Variants in DLG2 observed in about 807,000 individuals in gnomAD.
DLG2 encodes discs large MAGUK scaffold protein 2.
A neutral mutation model predicts 132.5 loss-of-function variants in DLG2; 45 were observed. That is an observed-to-expected ratio of 0.34 (90% CI 0.27 to 0.44). The LOEUF is 0.44. DLG2 is among the 20% of genes least tolerant of loss of function. The probability of loss-of-function intolerance (pLI) is 1.00; values close to 1 mark genes in which losing one functional copy is unlikely to be tolerated. For synonymous variants in DLG2, 424 were observed against 419.6 expected, an observed-to-expected ratio of 1.01 and a Z score of -0.13; for missense variants, 1,045 against 1,196.9, an observed-to-expected ratio of 0.87 and a Z score of 1.87.
rs1436792552 is a variant in DLG2, at chr11:85,418,253, T to G, written c.41-132888A>C. The stretch of plus-strand genomic sequence containing the variant: ...TCAGTTTTCATGTAGTTGTGTGGTT[T>G]TGAGAGAGTTTCTTAATTCTGAGTT... On this transcript the variant is annotated intron_variant, in intron 3 of 27. Coordinates refer to ENST00000376104, the MANE Select transcript of DLG2 (RefSeq NM_001142699.3). Among the ~76,000 whole-genome samples the G allele has an allele frequency of 2.0e-5, 3 of 152,232 alleles. 1 individual carries two copies. The highest frequency in any genetic ancestry group is 7.2e-5 in the African/African-American group (3 of 41,458).
intron 6 of DLG2, among the ~76,000 whole-genome samples, chr11:84,557,115 G>C (rs2099413487): frequency 6.6e-6 from 1 of 152,056 alleles, no homozygotes; most frequent in African/African-American, 2.4e-5. Context: ...TGTCAACTTG[G>C]CTAAATTATA....
intron 3 of DLG2, among the ~76,000 whole-genome samples, chr11:85,312,870 T>C (rs1194724994): frequency 6.6e-6 from 1 of 152,022 alleles, no homozygotes; most frequent in Admixed American, 6.6e-5. Flanking sequence ...TAGAAAAATA[T>C]TGAGAAATGA....
intron 6 of DLG2, among the ~76,000 whole-genome samples, chr11:84,616,206 G>A (rs1169308786): frequency 6.6e-6 from 1 of 152,020 alleles, no homozygotes; most frequent in African/African-American, 2.4e-5. Flanking sequence ...GGAAGGAAGA[G>A]CTTGTGTTTC....
At chr11:85,488,616 T>C (rs2093486230) in intron 3 of DLG2, among the ~76,000 whole-genome samples, 1 of 152,114 alleles carries the variant, frequency 6.6e-6, no homozygotes. Flanking sequence ...GAGAAAGGTA[T>C]CAAGTTACCT....
At chr11:83,464,074 A>C (rs1167095350) in intron 26 of DLG2, among the ~76,000 whole-genome samples, 2 of 152,200 alleles carry the variant, frequency 1.3e-5, no homozygotes, top group Non-Finnish European at 2.9e-5. Context: ...AGCTAGATAA[A>C]CATAATTATA....
At chr11:83,949,077 C>T (rs1021808638) in intron 14 of DLG2, among the ~76,000 whole-genome samples, 1 of 152,056 alleles carries the variant, frequency 6.6e-6, no homozygotes, top group Non-Finnish European at 1.5e-5. Context: ...TGAATTTTTA[C>T]ATTTTTTCTA....
At chr11:83,741,900 A>C (rs917396206) in intron 18 of DLG2, among the ~76,000 whole-genome samples, 1 of 151,988 alleles carries the variant, frequency 6.6e-6, no homozygotes, top group Non-Finnish European at 1.5e-5. Flanking sequence ...CTGTAGTTCC[A>C]GCTACTTGGG....
intron 10 of DLG2, among the ~76,000 whole-genome samples, chr11:84,070,667 GAAC>G: frequency 6.6e-6 from 1 of 152,322 alleles, no homozygotes; most frequent in African/African-American, 2.4e-5. Context: ...GAAAAGTTGA[GAAC>G]AACAAGGAGC....
intron 8 of DLG2, among the ~76,000 whole-genome samples, chr11:84,191,649 C>T (rs971648636): frequency 1.3e-5 from 2 of 152,128 alleles, no homozygotes; most frequent in Non-Finnish European, 2.9e-5. Context: ...ATGACACTTT[C>T]TTAAAGAAAA....
intron 6 of DLG2, among the ~76,000 whole-genome samples, chr11:85,054,702 G>A (rs1353132870): frequency 6.6e-6 from 1 of 152,166 alleles, no homozygotes; most frequent in Non-Finnish European, 1.5e-5. Context: ...ACAAAATCAT[G>A]TCCTTTGCAG....
chr11:85,194,416 G>T (rs1490300303), intron 4 of DLG2, among the ~76,000 whole-genome samples: 1 of 151,860 alleles, frequency 6.6e-6, no homozygotes, highest in Non-Finnish European at 1.5e-5. Flanking sequence ...CATTGTTTTG[G>T]TCCCTCTTTG....
At chr11:84,381,357 C>T (rs1372678972) in intron 7 of DLG2, among the ~76,000 whole-genome samples, 1 of 152,038 alleles carries the variant, frequency 6.6e-6, no homozygotes, top group Non-Finnish European at 1.5e-5. Flanking sequence ...AAGAGGTACA[C>T]TCACCAGTTC....
At chr11:84,283,237 T>A (rs2097871451) in intron 7 of DLG2, among the ~76,000 whole-genome samples, 1 of 152,200 alleles carries the variant, frequency 6.6e-6, no homozygotes, top group African/African-American at 2.4e-5. Flanking sequence ...CATGAAGGTC[T>A]TATTCGTAAT....
chr11:85,274,581 T>C (rs1175812859), intron 4 of DLG2, among the ~76,000 whole-genome samples: 4 of 152,114 alleles, frequency 2.6e-5, no homozygotes, highest in Non-Finnish European at 5.9e-5. Context: ...CAGAAAATGA[T>C]ATCTCCAAAT....
At chr11:84,173,356 T>C (rs957548347) in intron 8 of DLG2, among the ~76,000 whole-genome samples, 1 of 152,172 alleles carries the variant, frequency 6.6e-6, no homozygotes, top group Non-Finnish European at 1.5e-5. Flanking sequence ...GAACAGTAAA[T>C]GGTGTTAAGA....
At chr11:84,658,281 C>CAGAA in intron 6 of DLG2, among the ~76,000 whole-genome samples, 1 of 152,212 alleles carries the variant, frequency 6.6e-6, no homozygotes. Context: ...CAACCTTGAT[C>CAGAA]AGAATCCTTC....
At chr11:84,737,181 G>T (rs374086362) in intron 6 of DLG2, among the ~76,000 whole-genome samples, 2 of 151,888 alleles carry the variant, frequency 1.3e-5, no homozygotes, top group African/African-American at 4.8e-5. Flanking sequence ...AAACAATCCT[G>T]TATTCCTGAA....
intron 6 of DLG2, among the ~76,000 whole-genome samples, chr11:84,628,706 A>G (rs1555112169): frequency 6.6e-6 from 1 of 152,112 alleles, no homozygotes; most frequent in Non-Finnish European, 1.5e-5. Context: ...AATCTATGTG[A>G]TTTTTTGTCT....
chr11:85,510,573 G>A (rs962967508), intron 3 of DLG2, among the ~76,000 whole-genome samples: 4 of 152,040 alleles, frequency 2.6e-5, no homozygotes, highest in African/African-American at 4.8e-5. Flanking sequence ...GATATGAACA[G>A]ACACTTCTCA....
Sources: gnomAD v4.1 joint callset for allele counts (sites outside exome capture counted in the v4.1 genomes callset) on GRCh38, gnomAD v4.1.1 for gene constraint, MANE v1.5 for transcripts, NCBI Gene and HGNC (gene_info 2026-07-23, HGNC 2026-07-21) for gene names.